Variants in RBFOX1 observed in about 807,000 individuals in gnomAD.
RBFOX1 encodes RNA binding protein fox-1 homolog 1.
A neutral mutation model predicts 57.7 loss-of-function variants in RBFOX1; 8 were observed. That is an observed-to-expected ratio of 0.14 (90% CI 0.08 to 0.25). The LOEUF is 0.25. Among genes scored for constraint, RBFOX1 ranks in the 10% least tolerant of loss-of-function variants. RBFOX1 has a pLI of 1.00. For synonymous variants in RBFOX1, 326 were observed against 222.4 expected (o/e 1.47, Z -4.15); for missense variants, 611 against 548.5 (o/e 1.11, Z -1.14).
intron 14 of RBFOX1, among the ~76,000 whole-genome samples, chr16:7,690,825 C>A (rs751255527): frequency 1.3e-5 from 2 of 152,114 alleles, no homozygotes; most frequent in African/African-American, 4.8e-5. Context: ...CAAGGTGAAA[C>A]AGCTGTACAT....
At position 7,033,107 on chromosome 16, in the gene RBFOX1, G is replaced by A. The variant is rs139108102; in HGVS notation, c.-15-18950G>A. Among the ~76,000 whole-genome samples, 105 of 152,292 alleles carry A rather than the reference G, an allele frequency of 6.9e-4. 3 individuals carry two copies. In the East Asian group the frequency reaches 0.019, roughly 27 times the overall value. ...ACTCTCTCCTCTTGGGCTGAGTGGG[G>A]AGATGAGACAGGGCAGGGAAGAAGG... On this transcript the variant is annotated intron_variant, in intron 3 of 15. Coordinates refer to ENST00000550418, the MANE Select transcript of RBFOX1 (RefSeq NM_018723.4).
At chr16:5,276,103 C>T (rs886925792) in intron 1 of RBFOX1, among the ~76,000 whole-genome samples, 8 of 152,094 alleles carry the variant, frequency 5.3e-5, no homozygotes, top group African/African-American at 1.9e-4. Flanking sequence ...CATTGGAAAA[C>T]GTTTCTACAC....
At chr16:7,397,818 T>C (rs1448859270) in intron 4 of RBFOX1, among the ~76,000 whole-genome samples, 1 of 152,164 alleles carries the variant, frequency 6.6e-6, no homozygotes, top group Non-Finnish European at 1.5e-5. Flanking sequence ...TCAAGTCTTG[T>C]CCACGTCCCA....
chr16:6,408,220 CAA>C lies in RBFOX1; in HGVS notation c.-64+91165_-64+91166del, dbSNP rs562400298. On this transcript the variant is annotated intron_variant, in intron 2 of 15. Transcript: ENST00000550418. ...ATTTTGTTATCACAGCTCAGGCAGA[CAA>C]AGACATTCCCTAAAAGAAAAGCACT... is the stretch of plus-strand genomic sequence containing the variant. Among the ~76,000 whole-genome samples, 9 of 152,204 alleles carry C rather than the reference CAA, an allele frequency of 5.9e-5. No homozygotes were observed. In the East Asian group the frequency reaches 1.7e-3, roughly 29 times the overall value.
chr16:6,022,573 C>G (rs533036955), intron 1 of RBFOX1, among the ~76,000 whole-genome samples: 1 of 151,976 alleles, frequency 6.6e-6, no homozygotes, highest in African/African-American at 2.4e-5. Context: ...TCCCAGCTAC[C>G]CTGGAGGCTG....
intron 1 of RBFOX1, among the ~76,000 whole-genome samples, chr16:5,349,565 C>T (rs940584152): frequency 1.3e-5 from 2 of 151,594 alleles, no homozygotes; most frequent in African/African-American, 2.4e-5. Context: ...CCCAGCTACT[C>T]AGGAGGCGGA....
intron 4 of RBFOX1, among the ~76,000 whole-genome samples, chr16:7,177,139 C>G (rs1271941590): frequency 1.3e-5 from 2 of 152,204 alleles, no homozygotes; most frequent in Non-Finnish European, 2.9e-5. Context: ...GAACACGACA[C>G]TTTGCTGACT....
chr16:6,044,858 C>G (rs2095478756), intron 1 of RBFOX1, among the ~76,000 whole-genome samples: 1 of 152,204 alleles, frequency 6.6e-6, no homozygotes, highest in South Asian at 2.1e-4. Flanking sequence ...CCTCATGTTT[C>G]TGTACTGTTC....
intron 4 of RBFOX1, among the ~76,000 whole-genome samples, chr16:5,921,552 T>C (rs1211226534): frequency 1.3e-5 from 2 of 152,170 alleles, no homozygotes; most frequent in Non-Finnish European, 2.9e-5. Context: ...TTGATAAGAC[T>C]ATTGATAATA....
chr16:6,838,708 G>T (rs185362148), intron 3 of RBFOX1, among the ~76,000 whole-genome samples: 67 of 152,192 alleles, frequency 4.4e-4, no homozygotes, highest in African/African-American at 1.5e-3. Context: ...CCAGTCTGGG[G>T]GCTTGCCCGT....
At chr16:6,813,671 C>T (rs539720602) in intron 3 of RBFOX1, among the ~76,000 whole-genome samples, 1 of 152,110 alleles carries the variant, frequency 6.6e-6, no homozygotes, top group South Asian at 2.1e-4. Context: ...TTTTGAATTT[C>T]TTTATCACCT....
chr16:5,323,566 C>A (rs923069245), intron 1 of RBFOX1, among the ~76,000 whole-genome samples: 1 of 152,230 alleles, frequency 6.6e-6, no homozygotes, highest in South Asian at 2.1e-4. Flanking sequence ...CCTTTGCTAG[C>A]GTCAGATTAA....
At chr16:5,994,325 C>A (rs1298598391) in intron 4 of RBFOX1, among the ~76,000 whole-genome samples, 1 of 152,136 alleles carries the variant, frequency 6.6e-6, no homozygotes, top group Non-Finnish European at 1.5e-5. Context: ...ACATGCCTGG[C>A]TAATATTTGT....
chr16:5,326,981 T>A (rs1251892279), intron 1 of RBFOX1, among the ~76,000 whole-genome samples: 1 of 152,200 alleles, frequency 6.6e-6, no homozygotes, highest in East Asian at 1.9e-4. Context: ...CATCCGTTCT[T>A]TGTAAAGCAG....
intron 3 of RBFOX1, among the ~76,000 whole-genome samples, chr16:5,818,313 T>A (rs764741509): frequency 2.6e-4 from 40 of 152,058 alleles, no homozygotes; most frequent in Admixed American, 3.9e-4. Context: ...AAAGCCTGAG[T>A]TTCATTGCAC....
intron 3 of RBFOX1, among the ~76,000 whole-genome samples, chr16:6,671,430 C>T (rs757686141): frequency 7.9e-5 from 12 of 152,314 alleles, no homozygotes; most frequent in Non-Finnish European, 1.3e-4. Flanking sequence ...TGTTCATATT[C>T]AAACATCATT....
intron 3 of RBFOX1, among the ~76,000 whole-genome samples, chr16:6,743,768 A>C (rs2072893841): frequency 6.6e-6 from 1 of 150,946 alleles, no homozygotes; most frequent in African/African-American, 2.5e-5. Flanking sequence ...AAAGGAAAGA[A>C]GGAAGAAAAA....
chr16:6,989,304 A>G (rs147972660), intron 3 of RBFOX1, among the ~76,000 whole-genome samples: 9 of 152,214 alleles, frequency 5.9e-5, no homozygotes, highest in African/African-American at 2.2e-4. Context: ...CTATGAAGAT[A>G]TATTTACAAT....
intron 4 of RBFOX1, among the ~76,000 whole-genome samples, chr16:7,109,034 A>G (rs1295656071): frequency 6.6e-6 from 1 of 152,192 alleles, no homozygotes; most frequent in East Asian, 1.9e-4. Flanking sequence ...TACGTGCAGC[A>G]TAGGAAAATA....
Sources: gnomAD v4.1 joint callset for allele counts (sites outside exome capture counted in the v4.1 genomes callset) on GRCh38, gnomAD v4.1.1 for gene constraint, MANE v1.5 for transcripts, NCBI Gene and HGNC (gene_info 2026-07-23, HGNC 2026-07-21) for gene names.